Variants in COL5A2 observed in about 807,000 individuals in gnomAD.
COL5A2 encodes the protein collagen alpha-2(V) chain.
A neutral mutation model predicts 208.2 loss-of-function variants in COL5A2; 23 were observed. That is an observed-to-expected ratio of 0.11 (90% CI 0.08 to 0.16). The LOEUF (loss-of-function observed/expected upper bound fraction) is 0.16, where lower values mean the gene tolerates loss of function less well. COL5A2 is among the 10% of genes least tolerant of loss of function. The pLI is 1.00. For synonymous variants in COL5A2, 625 were observed against 628.5 expected (o/e 0.99, Z 0.08); for missense variants, 1,590 against 1,956.4 (o/e 0.81, Z 3.53).
At chr2:189,291,533 T>C in the COL5A2 span, among the ~76,000 whole-genome samples, 1 of 152,100 alleles carries the variant, frequency 6.6e-6, no homozygotes, top group East Asian at 1.9e-4. Context: ...CACAACTTTA[T>C]TAGGACATTA....
intron 26 of COL5A2, 77 bp from the exon 27 acceptor site, chr2:189,063,347 G>T: frequency 1.7e-6 from 2 of 1,156,782 alleles, no homozygotes; most frequent in Non-Finnish European, 1.3e-6. Flanking sequence ...TGTCACCTTT[G>T]CTTACTATCA....
the COL5A2 span, among the ~76,000 whole-genome samples, chr2:189,430,675 AGCC>A: frequency 8.7e-6 from 1 of 114,840 alleles, no homozygotes; most frequent in African/African-American, 3.0e-5. Context: ...TAAACAAAGC[AGCC>A]AGAAAGCTTG....
At chr2:189,368,264 C>A in the COL5A2 span, among the ~76,000 whole-genome samples, 1 of 152,114 alleles carries the variant, frequency 6.6e-6, no homozygotes, top group African/African-American at 2.4e-5. Flanking sequence ...ACCTTAAATT[C>A]ATAGTGTTTC....
the COL5A2 span, among the ~76,000 whole-genome samples, chr2:189,319,639 G>A: frequency 6.6e-6 from 1 of 152,262 alleles, no homozygotes; most frequent in Non-Finnish European, 1.5e-5. Context: ...CCATTGCTGA[G>A]GCTTGAGTAG....
the COL5A2 span, among the ~76,000 whole-genome samples, chr2:189,395,511 T>A: frequency 9.2e-5 from 14 of 152,170 alleles, no homozygotes; most frequent in Non-Finnish European, 1.5e-4. Flanking sequence ...AAATTTTGTA[T>A]AACAACTAAA....
At chr2:189,267,492 C>T in the COL5A2 span, among the ~76,000 whole-genome samples, 275 of 151,818 alleles carry the variant, frequency 1.8e-3, 9 homozygotes, top group East Asian at 0.05. Flanking sequence ...TAAATAATTG[C>T]CTAAGAAGAA....
chr2:189,167,668 T>A (rs1688492995), intron 1 of COL5A2, among the ~76,000 whole-genome samples: 1 of 151,040 alleles, frequency 6.6e-6, no homozygotes. Context: ...GAAGTGATTT[T>A]TTTTTTTTTT....
the COL5A2 span, among the ~76,000 whole-genome samples, chr2:189,376,925 T>C: frequency 5.7e-4 from 86 of 152,178 alleles, no homozygotes; most frequent in Non-Finnish European, 1.1e-3. Context: ...ATTTTTAAAA[T>C]AAATAGCAGC....
At chr2:189,132,074 G>A (rs983880230) in intron 1 of COL5A2, among the ~76,000 whole-genome samples, 1 of 152,084 alleles carries the variant, frequency 6.6e-6, no homozygotes, top group Non-Finnish European at 1.5e-5. Context: ...TAAAATGTCT[G>A]TTCTTTGAAA....
At chr2:189,275,333 G>A in the COL5A2 span, among the ~76,000 whole-genome samples, 1 of 151,492 alleles carries the variant, frequency 6.6e-6, no homozygotes, top group East Asian at 1.9e-4. Flanking sequence ...AAATTTCTGT[G>A]GCATAGTTTT....
At chr2:189,125,499 A>G (rs1687590631) in intron 1 of COL5A2, among the ~76,000 whole-genome samples, 1 of 152,074 alleles carries the variant, frequency 6.6e-6, no homozygotes, top group Admixed American at 6.6e-5. Context: ...TGCCACCCCT[A>G]GACAAACCCC....
the COL5A2 span, among the ~76,000 whole-genome samples, chr2:189,345,005 T>C: frequency 6.6e-6 from 1 of 152,144 alleles, no homozygotes; most frequent in Non-Finnish European, 1.5e-5. Flanking sequence ...AAGAGGAGTA[T>C]TGCCTGGAAA....
chr2:189,066,649 T>G, intron 22 of COL5A2, 80 bp downstream of exon 22: 1 of 1,363,052 alleles, frequency 7.3e-7, no homozygotes, highest in Non-Finnish European at 1.1e-6. Context: ...TCATTATTAT[T>G]TTAAACCCTT....
At chr2:189,344,632 C>G in the COL5A2 span, among the ~76,000 whole-genome samples, 1 of 152,194 alleles carries the variant, frequency 6.6e-6, no homozygotes, top group Non-Finnish European at 1.5e-5. Context: ...TGGGCTTGTT[C>G]ATCCTGCAAA....
At chr2:189,270,220 G>C in the COL5A2 span, among the ~76,000 whole-genome samples, 3 of 151,684 alleles carry the variant, frequency 2.0e-5, no homozygotes, top group African/African-American at 4.8e-5. Context: ...AGCGTTTTTC[G>C]CATCTCGATC....
At chr2:189,090,267 C>T (rs1032367683) in intron 7 of COL5A2, among the ~76,000 whole-genome samples, 1 of 152,194 alleles carries the variant, frequency 6.6e-6, no homozygotes, top group African/African-American at 2.4e-5. Flanking sequence ...AAAATCGAAT[C>T]TAGAGCAAGG....
chr2:189,112,674 T>C (rs1484939243), intron 1 of COL5A2, among the ~76,000 whole-genome samples: 1 of 152,222 alleles, frequency 6.6e-6, no homozygotes, highest in Non-Finnish European at 1.5e-5. Flanking sequence ...TATCACATAA[T>C]ACATATCTAA....
At chr2:189,345,907 C>T in the COL5A2 span, among the ~76,000 whole-genome samples, 1 of 152,110 alleles carries the variant, frequency 6.6e-6, no homozygotes, top group African/African-American at 2.4e-5. Context: ...CATTACATTA[C>T]TCCATACTAG....
chr2:189,328,788 C>A, the COL5A2 span, among the ~76,000 whole-genome samples: 1 of 152,210 alleles, frequency 6.6e-6, no homozygotes, highest in African/African-American at 2.4e-5. Context: ...GGTGAACTAT[C>A]AGCTAGCACT....
Sources: allele counts gnomAD v4.1 joint callset (sites outside exome capture counted in the v4.1 genomes callset), GRCh38; gene constraint gnomAD v4.1.1; transcripts MANE v1.5; gene names NCBI Gene and HGNC (gene_info 2026-07-23, HGNC 2026-07-21).